Variants in USP9Y observed in about 807,000 individuals in gnomAD.
The protein encoded by USP9Y is ubiquitin specific peptidase 9 Y-linked.
USP9Y carries 41 observed loss-of-function variants against 53.1 expected under a neutral mutation model. The observed-to-expected ratio is 0.77, with a 90% CI of 0.60 to 1.00. The LOEUF (loss-of-function observed/expected upper bound fraction) is 1.00, where lower values mean the gene tolerates loss of function less well. USP9Y is among the 50% of genes least tolerant of loss of function. The probability of loss-of-function intolerance (pLI) is 0.00; values close to 1 mark genes in which losing one functional copy is unlikely to be tolerated. For synonymous variants in USP9Y, 220 were observed against 173.7 expected, an observed-to-expected ratio of 1.27 and a Z score of -2.09; for missense variants, 567 against 535.8, an observed-to-expected ratio of 1.06 and a Z score of -0.58.
chrY:12,836,277 G>T, intron 34 of USP9Y, among the ~76,000 whole-genome samples: 1 of 33,578 alleles, frequency 3.0e-5, no homozygotes, highest in Admixed American at 2.7e-4. Context: ...GTTTAGTATA[G>T]GCTTTTTTTA....
In USP9Y at chrY:12,857,617, G is replaced by T; in HGVS notation, c.7486G>T (p.Asp2496Tyr). ...TGAGCATGAGCCCTCTCCATCAGAA[G>T]ATGCCCCATTATATCCTCATTCACC... is the stretch of plus-strand genomic sequence containing the variant. ...PDEHEPSPSE[D>Y]APLYPHSPAS... Residue 2496 changes from aspartate (D) to tyrosine (Y), a missense_variant, in exon 45 of 46, where the codon GAT becomes TAT. Asp to Tyr is a radical substitution (Grantham distance 160, BLOSUM62 -3). Coordinates refer to ENST00000338981, the MANE Select transcript of USP9Y (RefSeq NM_004654.4). 1 of 387,456 alleles carries T rather than the reference G, an allele frequency of 2.6e-6. No homozygotes were observed. Among genetic ancestry groups the T allele is most frequent in the Non-Finnish European group, 3.6e-6 (1 of 277,321 alleles).
At chrY:12,709,676 A>G in intron 3 of USP9Y, 133 bp downstream of exon 3, 1 of 176,384 alleles carries the variant, frequency 5.7e-6, no homozygotes, top group African/African-American at 8.4e-5. Flanking sequence ...CTGTGGGCTA[A>G]GTGTGGTAGC....
At chrY:12,742,384 C>T in intron 12 of USP9Y, among the ~76,000 whole-genome samples, 1 of 33,262 alleles carries the variant, frequency 3.0e-5, no homozygotes, top group Non-Finnish European at 7.4e-5. Flanking sequence ...TTTGGTCCCA[C>T]CCACATCCTG....
At chrY:12,853,408 G>A (rs2053573065) in intron 42 of USP9Y, among the ~76,000 whole-genome samples, 1 of 33,553 alleles carries the variant, frequency 3.0e-5, no homozygotes, top group Non-Finnish European at 7.4e-5. Flanking sequence ...GTATTTGGGC[G>A]GAAGTATCCC....
chrY:12,744,824 C>T, intron 12 of USP9Y, among the ~76,000 whole-genome samples: 1 of 33,396 alleles, frequency 3.0e-5, no homozygotes, highest in African/African-American at 1.2e-4. Flanking sequence ...TATAACTATG[C>T]CTGTTAAGAT....
At chrY:12,852,347 G>A (rs1603204224) in intron 42 of USP9Y, among the ~76,000 whole-genome samples, 2 of 32,883 alleles carry the variant, frequency 6.1e-5, no homozygotes, top group East Asian at 7.9e-4. Context: ...CAAAGTTCTC[G>A]TGCCATGGTT....
intron 24 of USP9Y, among the ~76,000 whole-genome samples, chrY:12,788,975 C>T: frequency 3.1e-5 from 1 of 32,620 alleles, no homozygotes; most frequent in Non-Finnish European, 7.5e-5. Flanking sequence ...CCACCTCGGC[C>T]TTCCAAAGTG....
intron 3 of USP9Y, among the ~76,000 whole-genome samples, chrY:12,709,936 C>A (rs2053423296): frequency 3.3e-5 from 1 of 30,373 alleles, no homozygotes; most frequent in South Asian, 8.0e-4. Context: ...TAGAATGAGA[C>A]CCTGTCTCAA....
chrY:12,752,193 G>A, intron 12 of USP9Y, among the ~76,000 whole-genome samples: 1 of 32,739 alleles, frequency 3.1e-5, no homozygotes, highest in Non-Finnish European at 7.5e-5. Flanking sequence ...TCTGTATATC[G>A]GTTTGGGGAG....
chrY:12,770,015 C>T, intron 15 of USP9Y, among the ~76,000 whole-genome samples: 1 of 33,443 alleles, frequency 3.0e-5, no homozygotes, highest in African/African-American at 1.2e-4. Context: ...ATCTTCTGAC[C>T]TTGTGATCTG....
In USP9Y at chrY:12,794,742, G is replaced by C. The variant is rs532207639; in HGVS notation, c.3983+1541G>C. 6.0e-3 allele frequency among the ~76,000 whole-genome samples: 203 copies of C among 33,574 alleles called. No homozygotes were observed. In the Middle Eastern group the frequency reaches 0.23, roughly 38 times the overall value. 90.1% of individuals were successfully genotyped at this position (33,574 alleles called of 37,273 possible). On this transcript the variant is annotated intron_variant, in intron 27 of 45. Transcript: ENST00000338981. ...ATGATGAACATGGTCTTACCCCATTGAGTGGTCTAGGCACCTTGTTGAAGA... is the reference window on the plus strand; with the variant it reads ...ATGATGAACATGGTCTTACCCCATTCAGTGGTCTAGGCACCTTGTTGAAGA...
intron 27 of USP9Y, among the ~76,000 whole-genome samples, chrY:12,805,994 C>G: frequency 3.0e-5 from 1 of 33,264 alleles, no homozygotes; most frequent in South Asian, 6.6e-4. Flanking sequence ...TTATTACAAG[C>G]AAGTAATGGT....
chrY:12,840,072 T>C lies in USP9Y; in HGVS notation c.5546T>C (p.Ile1849Thr). The change falls in exon 36 of 46, where the codon ATT becomes ACT. Residue 1849 changes from isoleucine to threonine, a missense_variant. Ile to Thr is a moderately conservative substitution (Grantham distance 89). Transcript: ENST00000338981. ...RDNVNSENELIEQKEQSDNET... is the reference protein window; with the variant it reads ...RDNVNSENELTEQKEQSDNET... Reference sequence around the variant, plus strand: ...AATGTAAACTCAGAAAATGAGTTGATTGAACAGAAAGAGCAGTCTGACAAT... The same window carrying C: ...AATGTAAACTCAGAAAATGAGTTGACTGAACAGAAAGAGCAGTCTGACAAT... 5.0e-6 allele frequency: 2 copies of C among 398,455 alleles called. No homozygotes were observed. Among genetic ancestry groups the C allele is most frequent in the Non-Finnish European group, 7.1e-6 (2 of 283,428 alleles).
chrY:12,775,565 AG>A lies in USP9Y; in HGVS notation c.2427+1del. 1 of 382,368 alleles carries A rather than the reference AG, an allele frequency of 2.6e-6. No individual in the cohort carries two copies. Among genetic ancestry groups the A allele is most frequent in the Non-Finnish European group, 3.7e-6 (1 of 270,749 alleles). On this transcript the variant is annotated frameshift_variant and splice_region_variant, in exon 18 of 46. Coordinates refer to ENST00000338981, the MANE Select transcript of USP9Y (RefSeq NM_004654.4). LOFTEE classifies it high-confidence loss of function. ...TNLGPRLKAN[Q>X]VVIHEDFIQS... is the part of the protein sequence containing the mutation. ...CTTGGCCCAAGATTAAAAGCCAATC[AG>A]GTGAGAATTGAAGTGCTTAAAAAGA...
chrY:12,769,604 G>A, intron 15 of USP9Y, among the ~76,000 whole-genome samples: 1 of 33,735 alleles, frequency 3.0e-5, no homozygotes, highest in African/African-American at 1.2e-4. Flanking sequence ...GTTTAATCTC[G>A]CAAACAGTCA....
chrY:12,814,674 T>A, intron 31 of USP9Y, among the ~76,000 whole-genome samples: 1 of 33,250 alleles, frequency 3.0e-5, no homozygotes, highest in African/African-American at 1.2e-4. Flanking sequence ...GTCCAGAGAT[T>A]ATCTCTGTCT....
At chrY:12,704,748 C>T in intron 1 of USP9Y, among the ~76,000 whole-genome samples, 1 of 33,515 alleles carries the variant, frequency 3.0e-5, no homozygotes, top group Non-Finnish European at 7.4e-5. Context: ...AACTTACATT[C>T]ATTTTTTGTA....
At chrY:12,727,352 T>G in intron 7 of USP9Y, among the ~76,000 whole-genome samples, 2 of 33,293 alleles carry the variant, frequency 6.0e-5, no homozygotes, top group Admixed American at 2.8e-4. Flanking sequence ...TTTGTAGTTG[T>G]ACCTCAAAGG....
intron 8 of USP9Y, 63 bp from the exon 9 acceptor site, chrY:12,735,935 G>A: frequency 2.6e-6 from 1 of 382,703 alleles, no homozygotes; most frequent in Admixed American, 7.8e-5. Context: ...GAAAGTAATT[G>A]GCAAGTTTAG....
Sources: gnomAD v4.1 joint callset for allele counts (sites outside exome capture counted in the v4.1 genomes callset) on GRCh38, gnomAD v4.1.1 for gene constraint, MANE v1.5 for transcripts, NCBI Gene and HGNC (gene_info 2026-07-23, HGNC 2026-07-21) for gene names.